The following LRRC72 variants were observed in gnomAD, a reference collection of about 807,000 sequenced individuals.
LRRC72 encodes leucine rich repeat containing 72.
A neutral mutation model predicts 35.8 loss-of-function variants in LRRC72; 41 were observed. The observed-to-expected ratio is 1.15, with a 90% CI of 0.89 to 1.49. The LOEUF is 1.49. Among genes scored for constraint, LRRC72 ranks in the 40% most tolerant of loss-of-function variants. The pLI, the probability that LRRC72 is intolerant of heterozygous loss-of-function variation, is 0.00. For missense variants in LRRC72, 389 were observed against 330.7 expected, an observed-to-expected ratio of 1.18 and a Z score of -1.37; for synonymous variants, 118 against 119.2, an observed-to-expected ratio of 0.99 and a Z score of 0.07.
intron 3 of LRRC72, among the ~76,000 whole-genome samples, chr7:16,555,997 A>G (rs574283168): frequency 6.6e-6 from 1 of 151,674 alleles, no homozygotes; most frequent in South Asian, 2.1e-4. Context: ...CTCCTCCTCT[A>G]TGGCTCTACC....
chr7:16,527,106 C>A, intron 1 of LRRC72, 64 bp downstream of exon 1: 1 of 1,338,642 alleles, frequency 7.5e-7, no homozygotes, highest in Admixed American at 2.0e-5. Context: ...GGCCCCACCT[C>A]CTGCCTGAGG....
chr7:16,537,706 T>C lies in LRRC72; in HGVS notation c.234+10T>C. The C allele has an allele frequency of 7.4e-7, 1 of 1,357,868 alleles. No individual in the cohort carries two copies. The allele number at this position is 1,357,868 out of a possible 1,614,324, so 84.1% of individuals were successfully genotyped here. On this transcript the variant is annotated intron_variant, in intron 3 of 8. Transcript: ENST00000401542. ...GCTTCATCATAACAAGGTAGTGTTT[T>C]ATTTTATCTTTCAATTACTAAAATT...
At chr7:16,548,712 A>G (rs1782494867) in intron 3 of LRRC72, among the ~76,000 whole-genome samples, 1 of 152,216 alleles carries the variant, frequency 6.6e-6, no homozygotes, top group Non-Finnish European at 1.5e-5. Flanking sequence ...CCAAGCTGGT[A>G]GCAGGAGCTG....
At chr7:16,565,988 C>G (rs1562750890) in intron 5 of LRRC72, among the ~76,000 whole-genome samples, 1 of 152,270 alleles carries the variant, frequency 6.6e-6, no homozygotes, top group East Asian at 1.9e-4. Flanking sequence ...ATATCTAGTT[C>G]TTCATTTACT....
Position 16,526,897 on chromosome 7 carries a change from C to G in LRRC72, c.-56C>G. The G allele has an allele frequency of 7.1e-7, 1 of 1,399,458 alleles. No individual in the cohort carries two copies. Among genetic ancestry groups the G allele is most frequent in the Non-Finnish European group, 9.8e-7 (1 of 1,021,758 alleles). 86.7% of individuals were successfully genotyped at this position (1,399,458 alleles called of 1,614,324 possible). ...CACCAAGCCAAGTCTCTCTTCGGTG[C>G]CACCGGCGGGCGAGGCCGGATTAAT... On this transcript the variant is annotated 5_prime_UTR_variant, in exon 1 of 9. Coordinates refer to ENST00000401542, the MANE Select transcript of LRRC72 (RefSeq NM_001195280.2).
chr7:16,567,307 A>T, intron 6 of LRRC72, 84 bp from the exon 7 acceptor site: 1 of 984,142 alleles, frequency 1.0e-6, no homozygotes, highest in Middle Eastern at 2.9e-4. Flanking sequence ...AGATAAATAC[A>T]TTCTTGAAAG....
intron 3 of LRRC72, among the ~76,000 whole-genome samples, chr7:16,551,725 C>T (rs1013388906): frequency 1.3e-5 from 2 of 151,982 alleles, no homozygotes; most frequent in Admixed American, 6.6e-5. Context: ...CATACCTTGC[C>T]CTATGCAGCT....
chr7:16,548,579 C>T (rs188559535), intron 3 of LRRC72, among the ~76,000 whole-genome samples: 1 of 152,364 alleles, frequency 6.6e-6, no homozygotes, highest in African/African-American at 2.4e-5. Context: ...CACAGCCTCA[C>T]AGGAAGCTGG....
At chr7:16,578,203 C>A (rs925310405) in intron 7 of LRRC72, among the ~76,000 whole-genome samples, 25 of 152,212 alleles carry the variant, frequency 1.6e-4, no homozygotes, top group Admixed American at 4.6e-4. Context: ...TAGAATTAAT[C>A]CATAATATAT....
At chr7:16,567,576 T>C in intron 7 of LRRC72, 33 bp downstream of exon 7, 1 of 1,283,156 alleles carries the variant, frequency 7.8e-7, no homozygotes, top group Non-Finnish European at 1.0e-6. Flanking sequence ...AAAACAAATT[T>C]AATGAAATTA....
chr7:16,566,201 C>A (rs2070078554), intron 5 of LRRC72, 112 bp from the exon 6 acceptor site: 2 of 623,076 alleles, frequency 3.2e-6, no homozygotes, highest in African/African-American at 1.9e-5. Flanking sequence ...TGGAGAAGAG[C>A]TTTACAAGTT....
At chr7:16,556,710 A>G (rs976261853) in intron 3 of LRRC72, among the ~76,000 whole-genome samples, 2 of 152,224 alleles carry the variant, frequency 1.3e-5, no homozygotes, top group Non-Finnish European at 2.9e-5. Flanking sequence ...GTAGAAGTTT[A>G]GAGAAACAAA....
chr7:16,558,888 G>T lies in LRRC72; in HGVS notation c.317-1G>T. The T allele has an allele frequency of 7.1e-7, 1 of 1,410,686 alleles. No homozygotes were observed. The highest frequency in any genetic ancestry group is 9.4e-7 in the Non-Finnish European group (1 of 1,068,718). 87.4% of individuals were successfully genotyped at this position (1,410,686 alleles called of 1,614,324 possible). ...TTGTAAAAATATTCTGTTTTTTTTA[G>T]GTCTGCATTATTTGCCTTCATTGCA... On this transcript the variant is annotated splice_acceptor_variant, in intron 4 of 8. Transcript: ENST00000401542. LOFTEE classifies it high-confidence loss of function.
rs1782876881 is a variant in LRRC72, at chr7:16,567,864, C to T, written c.670+321C>T. Among the ~76,000 whole-genome samples the T allele has an allele frequency of 2.0e-5, 3 of 151,988 alleles. No homozygotes were observed. In the South Asian group the frequency reaches 6.2e-4, roughly 32 times the overall value. ...AATAAGCCATTGTTATTTTTATTAC[C>T]ACTAACATGGATGATTTTACCAATT... is the stretch of plus-strand genomic sequence containing the variant. On this transcript the variant is annotated intron_variant, in intron 7 of 8. Transcript: ENST00000401542.
intron 7 of LRRC72, among the ~76,000 whole-genome samples, chr7:16,577,746 G>A (rs1216175147): frequency 1.3e-5 from 2 of 152,042 alleles, no homozygotes; most frequent in African/African-American, 2.4e-5. Flanking sequence ...CAAAATAAAC[G>A]ACATGGACAA....
At chr7:16,580,496 T>C (rs1472497920) in intron 8 of LRRC72, among the ~76,000 whole-genome samples, 7 of 151,946 alleles carry the variant, frequency 4.6e-5, no homozygotes, top group Non-Finnish European at 1.5e-5. Context: ...TACAAAATAT[T>C]GGCCTGGCAT....
At chr7:16,569,316 C>G (rs1562752425) in intron 7 of LRRC72, among the ~76,000 whole-genome samples, 2 of 151,818 alleles carry the variant, frequency 1.3e-5, no homozygotes, top group Non-Finnish European at 2.9e-5. Context: ...ATCCCAGCTA[C>G]TCAGGAAGCT....
chr7:16,534,824 A>T (rs1019982210), intron 2 of LRRC72, among the ~76,000 whole-genome samples: 2 of 152,166 alleles, frequency 1.3e-5, no homozygotes, highest in Non-Finnish European at 2.9e-5. Flanking sequence ...CCAAGGTCCA[A>T]GTACTCTTTC....
chr7:16,545,533 A>C (rs1199203431), intron 3 of LRRC72, among the ~76,000 whole-genome samples: 1 of 152,176 alleles, frequency 6.6e-6, no homozygotes, highest in East Asian at 1.9e-4. Context: ...TCATTTATAC[A>C]TACAATACCT....
Sources: gnomAD v4.1 joint callset for allele counts (sites outside exome capture counted in the v4.1 genomes callset) on GRCh38, gnomAD v4.1.1 for gene constraint, MANE v1.5 for transcripts, NCBI Gene and HGNC (gene_info 2026-07-23, HGNC 2026-07-21) for gene names.